The following TNR variants were observed in gnomAD, a reference collection of about 807,000 sequenced individuals.
TNR encodes tenascin-R.
Under a neutral mutation model 150.4 loss-of-function variants are expected in TNR, and 45 were observed. The ratio of observed to expected loss-of-function variants is 0.30; its 90% CI spans 0.24 to 0.38. TNR has a LOEUF of 0.38. Ranked by LOEUF, TNR falls within the 10% of genes least tolerant of loss-of-function variation. The pLI is 1.00. For synonymous variants in TNR, 687 were observed against 678.4 expected (o/e 1.01, Z -0.20); for missense variants, 1,544 against 1,759.1 (o/e 0.88, Z 2.19).
chr1:175,511,462 T>C (rs1659169726), intron 2 of TNR, among the ~76,000 whole-genome samples: 1 of 152,226 alleles, frequency 6.6e-6, no homozygotes, highest in Admixed American at 6.5e-5. Flanking sequence ...AGAGGAATGA[T>C]GGATTGTGAA....
intron 1 of TNR, among the ~76,000 whole-genome samples, chr1:175,637,788 T>A (rs1161700159): frequency 1.3e-5 from 2 of 152,188 alleles, no homozygotes; most frequent in South Asian, 2.1e-4. Context: ...CTCCTTTTCA[T>A]TGTCTAAAGC....
chr1:175,421,542 A>G (rs572056610), intron 2 of TNR, among the ~76,000 whole-genome samples: 48 of 152,342 alleles, frequency 3.2e-4, no homozygotes, highest in African/African-American at 1.1e-3. Context: ...ATTATAAGAT[A>G]GTCAGTGACG....
rs202024544 is a variant in TNR, at chr1:175,396,818, G to A, written c.977-11C>T. On this transcript the variant is annotated splice_polypyrimidine_tract_variant and intron_variant, in intron 4 of 22. Coordinates refer to ENST00000367674, the MANE Select transcript of TNR (RefSeq NM_003285.3). Reference sequence around the variant, plus strand: ...CCTCTGGAGGGGCAACTACCGGGAGGCAATACACAGATAGCATGAGCTCAG... The same window carrying A: ...CCTCTGGAGGGGCAACTACCGGGAGACAATACACAGATAGCATGAGCTCAG... 2.9e-5 allele frequency: 46 copies of A among 1,609,104 alleles called. No individual in the cohort carries two copies. The highest frequency in any genetic ancestry group is 3.4e-5 in the Non-Finnish European group (40 of 1,176,336).
intron 2 of TNR, among the ~76,000 whole-genome samples, chr1:175,501,397 C>G (rs932143545): frequency 2.0e-5 from 3 of 152,232 alleles, no homozygotes; most frequent in South Asian, 4.1e-4. Context: ...GTACTTCAGT[C>G]TGTTAACCAC....
chr1:175,419,054 C>G (rs1218476130), intron 2 of TNR, among the ~76,000 whole-genome samples: 2 of 152,152 alleles, frequency 1.3e-5, no homozygotes, highest in Non-Finnish European at 2.9e-5. Flanking sequence ...GTTATTTAGT[C>G]AGTAAGGCTC....
At chr1:175,597,212 C>T (rs1355888243) in intron 1 of TNR, among the ~76,000 whole-genome samples, 1 of 152,200 alleles carries the variant, frequency 6.6e-6, no homozygotes, top group African/African-American at 2.4e-5. Flanking sequence ...AGGTACAAGG[C>T]TCTCTCAGGG....
chr1:175,688,826 C>A (rs1223476845), intron 1 of TNR, among the ~76,000 whole-genome samples: 1 of 152,238 alleles, frequency 6.6e-6, no homozygotes, highest in Non-Finnish European at 1.5e-5. Context: ...CCATTCTCAT[C>A]TTTCTGCCCT....
chr1:175,660,375 C>T (rs183158652), intron 1 of TNR, among the ~76,000 whole-genome samples: 186 of 152,308 alleles, frequency 1.2e-3, no homozygotes, highest in African/African-American at 4.1e-3. Flanking sequence ...GGACCTCAGT[C>T]GCCCTGGGCC....
At chr1:175,467,068 T>C (rs1657067224) in intron 2 of TNR, among the ~76,000 whole-genome samples, 1 of 152,114 alleles carries the variant, frequency 6.6e-6, no homozygotes, top group Non-Finnish European at 1.5e-5. Context: ...ATTCGACCCA[T>C]CAGGGCAACA....
chr1:175,484,657 C>T (rs1386420185), intron 2 of TNR, among the ~76,000 whole-genome samples: 4 of 152,098 alleles, frequency 2.6e-5, no homozygotes, highest in African/African-American at 4.8e-5. Flanking sequence ...TTGCTCCTGG[C>T]GTTTGGTTCT....
intron 9 of TNR, among the ~76,000 whole-genome samples, chr1:175,375,484 G>A (rs1160806788): frequency 6.6e-6 from 1 of 151,974 alleles, no homozygotes; most frequent in African/African-American, 2.4e-5. Context: ...AATGGGGGGG[G>A]AGTGTTTGAA....
chr1:175,601,369 T>G lies in TNR; in HGVS notation c.-164-73000A>C, dbSNP rs544217737. On this transcript the variant is annotated intron_variant, in intron 1 of 22. Transcript: ENST00000367674. ...AAACTTAGTCTTTCAATTTGATATA[T>G]GTTTGCATGTCTTTGGGGGACTTAG... 4.6e-5 allele frequency among the ~76,000 whole-genome samples: 7 copies of G among 152,342 alleles called. No homozygotes were observed. In the East Asian group the frequency reaches 9.7e-4, roughly 21 times the overall value.
intron 1 of TNR, among the ~76,000 whole-genome samples, chr1:175,678,891 A>G (rs1427154726): frequency 6.6e-6 from 1 of 152,182 alleles, no homozygotes; most frequent in East Asian, 1.9e-4. Context: ...TCATCAGAGT[A>G]CAAGTGGAAA....
At chr1:175,430,723 G>T (rs1359161929) in intron 2 of TNR, among the ~76,000 whole-genome samples, 4 of 152,142 alleles carry the variant, frequency 2.6e-5, no homozygotes, top group African/African-American at 4.8e-5. Flanking sequence ...TACATCCAAA[G>T]ATAACCATGT....
intron 1 of TNR, among the ~76,000 whole-genome samples, chr1:175,615,702 A>C (rs1663753775): frequency 6.6e-6 from 1 of 152,172 alleles, no homozygotes; most frequent in Non-Finnish European, 1.5e-5. Context: ...AGGAGCATGG[A>C]GATTAAGCGG....
In TNR at chr1:175,386,121, G is replaced by A; in HGVS notation, c.1688C>T (p.Ala563Val). ...CTCGTATCGGGAGCCAGGCCGCAGG[G>A]CCTGCACTGAGTATTGGCTCAGGGG... is the stretch of plus-strand genomic sequence containing the variant. ...QPPLSQYSVQ[A>V]LRPGSRYEVS... Residue 563 changes from alanine (A) to valine (V), a missense_variant, in exon 8 of 23, where the codon GCC becomes GTC. Ala to Val is a moderately conservative substitution (Grantham distance 64). This residue lies in a region of TNR where 1,254 missense variants were observed against 1,329.4 expected (regional missense o/e 0.94). Coordinates refer to ENST00000367674, the MANE Select transcript of TNR (RefSeq NM_003285.3). The A allele has an allele frequency of 6.2e-7, 1 of 1,613,562 alleles. No homozygotes were observed. The highest frequency in any genetic ancestry group is 1.1e-5 in the South Asian group (1 of 91,052).
At chr1:175,708,323 G>A (rs970757285) in intron 1 of TNR, among the ~76,000 whole-genome samples, 5 of 152,120 alleles carry the variant, frequency 3.3e-5, no homozygotes, top group African/African-American at 1.2e-4. Flanking sequence ...CCCTCCTGGG[G>A]TTTGGAGAAT....
At chr1:175,565,384 C>T (rs1034637960) in intron 1 of TNR, among the ~76,000 whole-genome samples, 2 of 152,172 alleles carry the variant, frequency 1.3e-5, no homozygotes, top group Non-Finnish European at 2.9e-5. Flanking sequence ...AATAGGTTGA[C>T]CTTTACAAAT....
intron 2 of TNR, among the ~76,000 whole-genome samples, chr1:175,511,463 G>A (rs1454886718): frequency 6.6e-6 from 1 of 152,138 alleles, no homozygotes; most frequent in Non-Finnish European, 1.5e-5. Context: ...GAGGAATGAT[G>A]GATTGTGAAG....
Sources: allele counts gnomAD v4.1 joint callset (sites outside exome capture counted in the v4.1 genomes callset), GRCh38; gene constraint gnomAD v4.1.1; regional missense constraint gnomAD v4.1.1; transcripts MANE v1.5; gene names NCBI Gene and HGNC (gene_info 2026-07-23, HGNC 2026-07-21).